NCOA1: variants seen among roughly 807,000 people sequenced by gnomAD.
NCOA1 encodes Hin-2 protein.
Under a neutral mutation model 150.9 loss-of-function variants are expected in NCOA1, and 35 were observed. The ratio of observed to expected loss-of-function variants is 0.23; its 90% CI spans 0.18 to 0.31. The LOEUF is 0.31. NCOA1 is among the 10% of genes least tolerant of loss of function. The pLI is 1.00. For missense variants in NCOA1, 1,491 were observed against 1,749.3 expected (o/e 0.85, Z 2.63); for synonymous variants, 590 against 630.0 (o/e 0.94, Z 0.95).
intron 3 of NCOA1, among the ~76,000 whole-genome samples, chr2:24,591,051 A>G (rs1361785972): frequency 1.3e-5 from 2 of 152,202 alleles, no homozygotes; most frequent in Non-Finnish European, 2.9e-5. Flanking sequence ...AATTTAGATA[A>G]TTGTCTAAAT....
intron 14 of NCOA1, among the ~76,000 whole-genome samples, chr2:24,725,610 T>C (rs1043368945): frequency 3.3e-5 from 5 of 152,078 alleles, no homozygotes; most frequent in African/African-American, 1.2e-4. Flanking sequence ...ATTCAGCCCA[T>C]AACAATGATC....
intron 4 of NCOA1, among the ~76,000 whole-genome samples, chr2:24,649,211 A>G (rs56281602): frequency 1.3e-5 from 2 of 152,270 alleles, no homozygotes; most frequent in African/African-American, 4.8e-5. Context: ...TTATAGACAC[A>G]TGTTACTGCA....
intron 3 of NCOA1, among the ~76,000 whole-genome samples, chr2:24,617,091 C>G (rs1228837307): frequency 6.6e-6 from 1 of 152,062 alleles, no homozygotes; most frequent in Non-Finnish European, 1.5e-5. Flanking sequence ...CCATCAAATA[C>G]TTGTTTGCAT....
chr2:24,524,193 C>G (rs1664557955), intron 1 of NCOA1, among the ~76,000 whole-genome samples: 1 of 152,170 alleles, frequency 6.6e-6, no homozygotes. Flanking sequence ...TTTTCAGATA[C>G]TTCCGGTTAG....
intron 2 of NCOA1, chr2:24,564,835 G>A (rs1305367118): frequency 6.6e-6 from 1 of 151,592 alleles, no homozygotes; most frequent in Non-Finnish European, 1.5e-5. Context: ...TATATTAGAA[G>A]AACTGGAATA....
At chr2:24,599,725 C>CTTTTT (rs33950079) in intron 3 of NCOA1, among the ~76,000 whole-genome samples, 1 of 108,502 alleles carries the variant, frequency 9.2e-6, no homozygotes, top group Non-Finnish European at 1.9e-5. Context: ...TATGATTGAT[C>CTTTTT]TTTTTTTTTT....
At chr2:24,598,319 TAAG>T (rs1318354265) in intron 3 of NCOA1, among the ~76,000 whole-genome samples, 1 of 152,122 alleles carries the variant, frequency 6.6e-6, no homozygotes, top group Non-Finnish European at 1.5e-5. Flanking sequence ...GAAATTATTA[TAAG>T]GAATAGTCAC....
At chr2:24,566,496 A>T (rs529890619) in intron 2 of NCOA1, among the ~76,000 whole-genome samples, 37 of 152,196 alleles carry the variant, frequency 2.4e-4, no homozygotes, top group Admixed American at 3.9e-4. Context: ...CAGGGTTTTT[A>T]TGGGCTTCCC....
intron 19 of NCOA1, among the ~76,000 whole-genome samples, chr2:24,744,072 C>T (rs914332953): frequency 2.0e-5 from 3 of 152,128 alleles, no homozygotes; most frequent in African/African-American, 7.2e-5. Flanking sequence ...TTTCACAGTT[C>T]TGGGTCTAGC....
rs1271891085 is a variant in NCOA1, at chr2:24,509,002, C to T, written c.-396+17400C>T. Among the ~76,000 whole-genome samples the T allele has an allele frequency of 1.6e-4, 25 of 152,074 alleles. 1 individual carries two copies. Among genetic ancestry groups the T allele is most frequent in the Admixed American group, 1.6e-3 (25 of 15,268 alleles). ...GTACAAATAGGACTCCTGGTGTGAC[C>T]ACTTGAGAATGAAGCAATATTGTGT... is the stretch of plus-strand genomic sequence containing the variant. On this transcript the variant is annotated intron_variant, in intron 1 of 22. Transcript: ENST00000348332.
chr2:24,674,236 C>A (rs1671806144), intron 7 of NCOA1, among the ~76,000 whole-genome samples: 1 of 147,748 alleles, frequency 6.8e-6, no homozygotes, highest in African/African-American at 2.5e-5. Context: ...GACGGAGTCT[C>A]GCTTTGTGGC....
At position 24,738,290 on chromosome 2, in the gene NCOA1, A is replaced by C. The variant is rs1157717305; in HGVS notation, c.3202-1142A>C. Among the ~76,000 whole-genome samples, 4 of 151,434 alleles carry C rather than the reference A, an allele frequency of 2.6e-5. No individual in the cohort carries two copies. In the East Asian group the frequency reaches 7.7e-4, roughly 29 times the overall value. On this transcript the variant is annotated intron_variant, in intron 17 of 22. Coordinates refer to ENST00000348332, the MANE Select transcript of NCOA1 (RefSeq NM_003743.5). The stretch of plus-strand genomic sequence containing the variant: ...TATTGAAATATATTTATGATATATA[A>C]GTATATATAATTTGTGTTTTACAAA...
intron 1 of NCOA1, among the ~76,000 whole-genome samples, chr2:24,514,267 CAG>C (rs1326730432): frequency 9.5e-6 from 1 of 105,002 alleles, no homozygotes; most frequent in Non-Finnish European, 1.7e-5. Context: ...GCCTGGGCAA[CAG>C]AGTGAGACTC....
chr2:24,748,388 G>C (rs1228720516), intron 19 of NCOA1, among the ~76,000 whole-genome samples: 1 of 152,120 alleles, frequency 6.6e-6, no homozygotes, highest in Admixed American at 6.5e-5. Context: ...GAGGCAGGCG[G>C]ATCACAAGGT....
chr2:24,538,640 T>C (rs1665264199), intron 1 of NCOA1, among the ~76,000 whole-genome samples: 1 of 152,220 alleles, frequency 6.6e-6, no homozygotes, highest in Non-Finnish European at 1.5e-5. Flanking sequence ...GTATATACTT[T>C]TATTCTATTT....
chr2:24,515,345 A>G (rs1189861017), intron 1 of NCOA1, among the ~76,000 whole-genome samples: 2 of 151,764 alleles, frequency 1.3e-5, no homozygotes, highest in Non-Finnish European at 2.9e-5. Context: ...CAGTCCTCCC[A>G]TCTCAGCCTC....
chr2:24,542,805 A>G (rs1665453619), intron 1 of NCOA1, among the ~76,000 whole-genome samples: 1 of 152,264 alleles, frequency 6.6e-6, no homozygotes, highest in Non-Finnish European at 1.5e-5. Flanking sequence ...TTTCTGAAGA[A>G]TATATCCAAG....
intron 3 of NCOA1, among the ~76,000 whole-genome samples, chr2:24,608,751 C>G (rs1223122132): frequency 7.0e-6 from 1 of 142,446 alleles, no homozygotes; most frequent in Non-Finnish European, 1.5e-5. Context: ...TCTTTCTGTC[C>G]AGGGTTCCCA....
intron 2 of NCOA1, among the ~76,000 whole-genome samples, chr2:24,581,242 T>TA (rs759714809): frequency 6.6e-6 from 1 of 152,236 alleles, no homozygotes; most frequent in Non-Finnish European, 1.5e-5. Context: ...GGTACCTTGT[T>TA]ACTACTAGGT....
Sources: gnomAD v4.1 joint callset for allele counts (sites outside exome capture counted in the v4.1 genomes callset) on GRCh38, gnomAD v4.1.1 for gene constraint, MANE v1.5 for transcripts, NCBI Gene and HGNC (gene_info 2026-07-23, HGNC 2026-07-21) for gene names.